Variants in RB1 observed in about 807,000 individuals in gnomAD.
RB1 encodes retinoblastoma-associated protein.
A neutral mutation model predicts 135.4 loss-of-function variants in RB1; 18 were observed. That is an observed-to-expected ratio of 0.13 (90% CI 0.09 to 0.20). The LOEUF is 0.20. Among genes scored for constraint, RB1 ranks in the 10% least tolerant of loss-of-function variants. The pLI, the probability that RB1 is intolerant of heterozygous loss-of-function variation, is 1.00. For missense variants in RB1, 868 were observed against 1,110.0 expected, an observed-to-expected ratio of 0.78 and a Z score of 3.10; for synonymous variants, 365 against 373.2, an observed-to-expected ratio of 0.98 and a Z score of 0.25.
In RB1 at chr13:48,342,944, G is replaced by T. The variant is rs770403539; in HGVS notation, c.380+230G>T. ...TGTGTCCTGGAAAAATTTTCATTGT[G>T]TCTCTCACTATTCATGTGTAAGCTT... On this transcript the variant is annotated intron_variant, in intron 3 of 26. Coordinates refer to ENST00000267163, the MANE Select transcript of RB1 (RefSeq NM_000321.3). 4.0e-4 allele frequency among the ~76,000 whole-genome samples: 61 copies of T among 152,172 alleles called. 1 individual carries two copies. The Middle Eastern group carries it at 0.01, about 25-fold the overall frequency.
chr13:48,463,241 G>A (rs1369186891), intron 20 of RB1, among the ~76,000 whole-genome samples: 10 of 152,102 alleles, frequency 6.6e-5, no homozygotes, highest in Admixed American at 4.6e-4. Context: ...CATCAACTGA[G>A]CTTAGTTATA....
At position 48,480,250 on chromosome 13, in the gene RB1, T is replaced by G; in HGVS notation, c.*179T>G. 1 of 611,822 alleles carries G rather than the reference T, an allele frequency of 1.6e-6. No homozygotes were observed. The highest frequency in any genetic ancestry group is 3.0e-6 in the Non-Finnish European group (1 of 337,994). The allele number at this position is 611,822 out of a possible 1,614,324, so 37.9% of individuals were successfully genotyped here. On this transcript the variant is annotated 3_prime_UTR_variant, in exon 27 of 27. Coordinates refer to ENST00000267163, the MANE Select transcript of RB1 (RefSeq NM_000321.3). ...GTGATTCCTAAGCCACTTGAAATGT[T>G]AGTCATTGTTATTTATACAAGATTG... is the stretch of plus-strand genomic sequence containing the variant.
rs368707889 is a variant in RB1, at chr13:48,426,154, C to T, written c.1696-26839C>T. The stretch of plus-strand genomic sequence containing the variant: ...TGAACTTTAAGATGGATATGACATG[C>T]CCTTTTGACCTTATGAAGAGTTTTC... On this transcript the variant is annotated intron_variant, in intron 17 of 26. Transcript: ENST00000267163. Among the ~76,000 whole-genome samples the T allele has an allele frequency of 7.2e-5, 11 of 152,182 alleles. No homozygotes were observed. In the South Asian group the frequency reaches 1.7e-3, roughly 23 times the overall value.
chr13:48,385,216 G>T (rs181809856), intron 17 of RB1, among the ~76,000 whole-genome samples: 118 of 152,214 alleles, frequency 7.8e-4, no homozygotes, highest in Non-Finnish European at 1.4e-3. Context: ...TCTCACAGCA[G>T]CCAGAGAAAT....
At chr13:48,364,793 G>C (rs928074609) in intron 8 of RB1, 101 bp from the exon 9 acceptor site, 4 of 1,326,664 alleles carry the variant, frequency 3.0e-6, no homozygotes, top group Admixed American at 5.3e-5. Flanking sequence ...TTTACTGCAT[G>C]GGGGATTGAC....
At chr13:48,363,074 CTT>C in intron 8 of RB1, 117 bp downstream of exon 8, 1 of 1,255,622 alleles carries the variant, frequency 8.0e-7, no homozygotes, top group Non-Finnish European at 1.1e-6. Context: ...AGTGCTAACT[CTT>C]TTGCAGTAGC....
intron 2 of RB1, chr13:48,318,053 T>C: frequency 1.9e-6 from 1 of 532,766 alleles, no homozygotes; most frequent in South Asian, 1.7e-5. Context: ...GCCCTGGCAT[T>C]CCCTGGGGAA....
chr13:48,316,851 A>T, intron 2 of RB1: 2 of 305,950 alleles, frequency 6.5e-6, no homozygotes, highest in Non-Finnish European at 1.3e-5. Flanking sequence ...CCACAACTCG[A>T]GGGCTTAGAC....
At chr13:48,463,918 C>A (rs2138343005) in intron 21 of RB1, 83 bp downstream of exon 21, 25 of 836,902 alleles carry the variant, frequency 3.0e-5, no homozygotes, top group Non-Finnish European at 4.8e-5. Flanking sequence ...CTCATTTATT[C>A]ATTAATGAGA....
chr13:48,452,850 T>A (rs1949336319), intron 17 of RB1, 143 bp from the exon 18 acceptor site: 1 of 1,246,216 alleles, frequency 8.0e-7, no homozygotes, highest in Admixed American at 2.5e-5. Context: ...TAGAGAAAAA[T>A]ATTTCATTCT....
chr13:48,333,782 A>G (rs1432971872), intron 2 of RB1, among the ~76,000 whole-genome samples: 4 of 151,350 alleles, frequency 2.6e-5, no homozygotes, highest in African/African-American at 4.8e-5. Flanking sequence ...TACTGCCACA[A>G]CTTTTTTTTT....
intron 17 of RB1, among the ~76,000 whole-genome samples, chr13:48,416,108 G>A (rs962249359): frequency 1.3e-5 from 2 of 152,102 alleles, no homozygotes; most frequent in African/African-American, 4.8e-5. Context: ...TTTTTGGGGG[G>A]AGCGAAAATT....
Position 48,324,874 on chromosome 13 carries a change from G to GT in RB1, c.264+17477dup, listed in dbSNP as rs1052818953. Among the ~76,000 whole-genome samples the GT allele has an allele frequency of 6.4e-3, 933 of 145,408 alleles. 2 individuals carry two copies. Among genetic ancestry groups the GT allele is most frequent in the African/African-American group, 0.018 (687 of 38,962 alleles). ...TTTTTGTTTGTTTGTTTTTGTTTTT[G>GT]TTTTTTTTTACTGTTTTAACATAAT... On this transcript the variant is annotated intron_variant, in intron 2 of 26. Coordinates refer to ENST00000267163, the MANE Select transcript of RB1 (RefSeq NM_000321.3).
At chr13:48,378,799 A>G (rs1443902434) in intron 13 of RB1, among the ~76,000 whole-genome samples, 1 of 152,168 alleles carries the variant, frequency 6.6e-6, no homozygotes, top group Non-Finnish European at 1.5e-5. Context: ...ACATTACACT[A>G]AACAATAGGA....
intron 2 of RB1, chr13:48,318,551 C>A: frequency 1.3e-6 from 1 of 745,884 alleles, no homozygotes; most frequent in South Asian, 1.8e-5. Flanking sequence ...CTCCCGGGAC[C>A]TCGCTGGCTT....
At chr13:48,321,676 T>C (rs779406533) in intron 2 of RB1, among the ~76,000 whole-genome samples, 5 of 151,928 alleles carry the variant, frequency 3.3e-5, no homozygotes, top group African/African-American at 1.2e-4. Context: ...GCTAACATGG[T>C]GAAACTCCGT....
chr13:48,473,142 A>G (rs891457068), intron 23 of RB1, among the ~76,000 whole-genome samples: 1 of 152,194 alleles, frequency 6.6e-6, no homozygotes, highest in Non-Finnish European at 1.5e-5. Flanking sequence ...TTGCAGACCT[A>G]TAACTTTTGC....
At chr13:48,315,677 T>C (rs760742295) in intron 2 of RB1, among the ~76,000 whole-genome samples, 3 of 152,220 alleles carry the variant, frequency 2.0e-5, no homozygotes, top group African/African-American at 4.8e-5. Flanking sequence ...ATGGCTCTTA[T>C]TATTTTGAAG....
intron 17 of RB1, among the ~76,000 whole-genome samples, chr13:48,388,416 A>G (rs1948586390): frequency 6.6e-6 from 1 of 152,174 alleles, no homozygotes; most frequent in Non-Finnish European, 1.5e-5. Flanking sequence ...GAACTTAGGA[A>G]AGAAATCTAG....
Sources: allele counts gnomAD v4.1 joint callset (sites outside exome capture counted in the v4.1 genomes callset), GRCh38; gene constraint gnomAD v4.1.1; transcripts MANE v1.5; gene names NCBI Gene and HGNC (gene_info 2026-07-23, HGNC 2026-07-21).